The following COL24A1 variants were observed in gnomAD, a reference collection of about 807,000 sequenced individuals.
COL24A1 encodes the protein collagen alpha-1(XXIV) chain.
A neutral mutation model predicts 253.9 loss-of-function variants in COL24A1; 224 were observed. The observed-to-expected ratio is 0.88, with a 90% confidence interval of 0.79 to 0.99. COL24A1 has a LOEUF of 0.99. COL24A1 is among the 50% of genes least tolerant of loss of function. The probability of loss-of-function intolerance (pLI) is 0.00; values close to 1 mark genes in which losing one functional copy is unlikely to be tolerated. For synonymous variants in COL24A1, 685 were observed against 673.7 expected, an observed-to-expected ratio of 1.02 and a Z score of -0.26; for missense variants, 2,131 against 2,068.5, an observed-to-expected ratio of 1.03 and a Z score of -0.59.
At chr1:86,037,280 C>T (rs980813540) in intron 12 of COL24A1, among the ~76,000 whole-genome samples, 1 of 152,146 alleles carries the variant, frequency 6.6e-6, no homozygotes, top group Non-Finnish European at 1.5e-5. Context: ...GTGTAGCTAG[C>T]ACCTATGACT....
chr1:86,016,045 CT>C (rs112210090), intron 19 of COL24A1, among the ~76,000 whole-genome samples: 40,574 of 144,136 alleles, frequency 0.28, 5,737 homozygotes, highest in Middle Eastern at 0.46. Flanking sequence ...AACATTTTTT[CT>C]TTTTTTTTTT....
intron 5 of COL24A1, among the ~76,000 whole-genome samples, chr1:86,097,714 C>T (rs1471460951): frequency 2.7e-5 from 4 of 150,246 alleles, no homozygotes; most frequent in Non-Finnish European, 4.4e-5. Context: ...ATTTATTAAA[C>T]TCTGGAGTAC....
At chr1:85,836,622 T>C (rs934653276) in intron 43 of COL24A1, among the ~76,000 whole-genome samples, 3 of 152,186 alleles carry the variant, frequency 2.0e-5, no homozygotes, top group Non-Finnish European at 4.4e-5. Context: ...TATTTCATGA[T>C]TTTGAGCTAA....
chr1:85,924,119 G>A (rs1686891336), intron 24 of COL24A1, among the ~76,000 whole-genome samples: 1 of 152,134 alleles, frequency 6.6e-6, no homozygotes, highest in Non-Finnish European at 1.5e-5. Flanking sequence ...GACTAAACCA[G>A]GAAGAAGTTG....
At chr1:85,776,397 G>T (rs61783134) in intron 52 of COL24A1, among the ~76,000 whole-genome samples, 14,099 of 151,978 alleles carry the variant, frequency 0.093, 771 homozygotes, top group Middle Eastern at 0.13. Flanking sequence ...CACTTGAAAC[G>T]AATGTAGTTT....
chr1:85,827,707 T>C (rs986826804), intron 43 of COL24A1, among the ~76,000 whole-genome samples: 2 of 151,696 alleles, frequency 1.3e-5, no homozygotes, highest in African/African-American at 4.8e-5. Flanking sequence ...CTAGTTTATT[T>C]GCGTAGAGGT....
intron 24 of COL24A1, among the ~76,000 whole-genome samples, chr1:85,922,064 A>G (rs1390520593): frequency 6.6e-6 from 1 of 152,238 alleles, no homozygotes; most frequent in Non-Finnish European, 1.5e-5. Flanking sequence ...AAGAAAGAGT[A>G]TCAGTGATTG....
intron 43 of COL24A1, among the ~76,000 whole-genome samples, chr1:85,826,071 G>T (rs1291173686): frequency 7.2e-6 from 1 of 138,628 alleles, no homozygotes; most frequent in African/African-American, 2.6e-5. Flanking sequence ...TAACATTTAA[G>T]TCTTTAATCC....
intron 45 of COL24A1, among the ~76,000 whole-genome samples, chr1:85,821,585 A>G (rs556252917): frequency 3.2e-4 from 49 of 152,328 alleles, no homozygotes; most frequent in Admixed American, 6.5e-4. Context: ...TGAATAATAC[A>G]CAGTCAGTCA....
chr1:86,040,532 A>G (rs1365747408), intron 12 of COL24A1, among the ~76,000 whole-genome samples: 2 of 137,134 alleles, frequency 1.5e-5, no homozygotes, highest in Non-Finnish European at 3.0e-5. Flanking sequence ...TAATTGCCAT[A>G]TTCCCATCCA....
At chr1:86,089,136 A>AT in intron 7 of COL24A1, 38 bp downstream of exon 7, 1 of 1,533,114 alleles carries the variant, frequency 6.5e-7, no homozygotes, top group South Asian at 1.2e-5. Flanking sequence ...AAAAGAAAAA[A>AT]AGAAGAAAAA....
At chr1:85,885,054 T>C (rs12755570) in intron 32 of COL24A1, among the ~76,000 whole-genome samples, 29,724 of 152,058 alleles carry the variant, frequency 0.2, 3,285 homozygotes, top group Non-Finnish European at 0.24. Context: ...CTCTCCATTT[T>C]GGGGGCAGTA....
intron 47 of COL24A1, among the ~76,000 whole-genome samples, chr1:85,797,253 T>C (rs1670930166): frequency 6.6e-6 from 1 of 151,450 alleles, no homozygotes; most frequent in Non-Finnish European, 1.5e-5. Context: ...CCCAAATGTT[T>C]ATTGATCTTC....
intron 54 of COL24A1, 46 bp downstream of exon 54, chr1:85,761,485 C>T: frequency 6.2e-7 from 1 of 1,613,760 alleles, no homozygotes; most frequent in Non-Finnish European, 8.5e-7. Flanking sequence ...ACCAGGCAAA[C>T]ATATAAGCAT....
chr1:85,732,375 G>A (rs1407517748), intron 59 of COL24A1, among the ~76,000 whole-genome samples: 1 of 151,980 alleles, frequency 6.6e-6, no homozygotes, highest in Non-Finnish European at 1.5e-5. Context: ...GACTACAGGT[G>A]TCTGCCACCA....
In COL24A1 at chr1:85,985,322, G is replaced by A. The variant is rs149938175; in HGVS notation, c.2364+2279C>T. ...TGTGAGATTTGAGTAAGTATGGCAT[G>A]GTTTGGCACTCTAAATAGTTTGGCT... On this transcript the variant is annotated intron_variant, in intron 20 of 59. Coordinates refer to ENST00000370571, the MANE Select transcript of COL24A1 (RefSeq NM_152890.7). 2.6e-5 allele frequency among the ~76,000 whole-genome samples: 4 copies of A among 151,808 alleles called. No individual in the cohort carries two copies. In the East Asian group the frequency reaches 7.7e-4, roughly 29 times the overall value.
In COL24A1 at chr1:86,022,239, C is replaced by A; in HGVS notation, c.2256+1G>T. On this transcript the variant is annotated splice_donor_variant, in intron 18 of 59. Coordinates refer to ENST00000370571, the MANE Select transcript of COL24A1 (RefSeq NM_152890.7). LOFTEE classifies it high-confidence loss of function. ...AGAGCAAAGCAAAAGTTCAAACCTA[C>A]TGAAGGCCCTGACTTTCCTCTCATC... 6.2e-7 allele frequency: 1 copy of A among 1,612,810 alleles called. No individual in the cohort carries two copies. Among genetic ancestry groups the A allele is most frequent in the Non-Finnish European group, 8.5e-7 (1 of 1,178,894 alleles).
At chr1:85,816,440 C>T (rs1426042463) in intron 47 of COL24A1, among the ~76,000 whole-genome samples, 1 of 152,102 alleles carries the variant, frequency 6.6e-6, no homozygotes, top group Admixed American at 6.5e-5. Context: ...CTGCCAAGAC[C>T]TAAATGTTCC....
rs1433321539 is a variant in COL24A1 at position 85,896,365 on chromosome 1, T to G, written c.2823A>C (p.Gln941His). 1 of 1,613,086 alleles carries G rather than the reference T, an allele frequency of 6.2e-7. No homozygotes were observed. Among genetic ancestry groups the G allele is most frequent in the Non-Finnish European group, 8.5e-7 (1 of 1,179,174 alleles). The change falls in exon 29 of 60, where the codon CAA (glutamine) becomes CAC (histidine). Residue 941 changes from glutamine (Q) to histidine (H), a missense_variant. Coordinates refer to ENST00000370571, the MANE Select transcript of COL24A1 (RefSeq NM_152890.7). ...PDGLLGEQGI[Q>H]GAKGEKGDQG... Reference sequence around the variant, plus strand: ...AAAAATCAATGATTACCTTGGCACCTTGTATACCTTGTTCCCCTAAGAGAC... The same window carrying G: ...AAAAATCAATGATTACCTTGGCACCGTGTATACCTTGTTCCCCTAAGAGAC...
Sources: gnomAD v4.1 joint callset for allele counts (sites outside exome capture counted in the v4.1 genomes callset) on GRCh38, gnomAD v4.1.1 for gene constraint, MANE v1.5 for transcripts, NCBI Gene and HGNC (gene_info 2026-07-23, HGNC 2026-07-21) for gene names.